The following GCFC2 variants were observed in gnomAD, a reference collection of about 807,000 sequenced individuals.
GCFC2 encodes intron Large complex component GCFC2.
A neutral mutation model predicts 99.4 loss-of-function variants in GCFC2; 102 were observed. That is an observed-to-expected ratio of 1.03 (90% CI 0.87 to 1.21). GCFC2 has a LOEUF of 1.21. Among genes scored for constraint, GCFC2 ranks in the 50% most tolerant of loss-of-function variants. GCFC2 has a pLI of 0.00. For missense variants in GCFC2, 973 were observed against 920.9 expected (o/e 1.06, Z -0.73); for synonymous variants, 338 against 316.8 (o/e 1.07, Z -0.71).
At chr2:75,671,819 C>T (rs539408319) in intron 14 of GCFC2, 131 bp downstream of exon 14, 48 of 400,118 alleles carry the variant, frequency 1.2e-4, no homozygotes, top group African/African-American at 6.8e-4. Context: ...TTGAGTAATT[C>T]GACAGAGACC....
chr2:75,673,130 G>A (rs1051790938), intron 13 of GCFC2, among the ~76,000 whole-genome samples: 1 of 151,912 alleles, frequency 6.6e-6, no homozygotes, highest in African/African-American at 2.4e-5. Context: ...CTAACATGGT[G>A]AAACCCCATC....
intron 4 of GCFC2, among the ~76,000 whole-genome samples, chr2:75,696,601 T>C (rs1196860874): frequency 1.3e-5 from 2 of 152,160 alleles, no homozygotes; most frequent in Non-Finnish European, 2.9e-5. Flanking sequence ...AGTCACCCAG[T>C]TTTTTAAGAA....
intron 4 of GCFC2, among the ~76,000 whole-genome samples, chr2:75,698,919 T>C (rs903899708): frequency 1.3e-5 from 2 of 150,766 alleles, no homozygotes; most frequent in African/African-American, 2.4e-5. Context: ...AGCTGAGGCA[T>C]GAGAATTGCT....
intron 9 of GCFC2, among the ~76,000 whole-genome samples, 196 bp from the exon 10 acceptor site, chr2:75,689,421 C>T (rs2104335466): frequency 6.6e-6 from 1 of 152,168 alleles, no homozygotes; most frequent in East Asian, 1.9e-4. Context: ...TATACCCCTG[C>T]TATACGCAGA....
intron 12 of GCFC2, among the ~76,000 whole-genome samples, chr2:75,673,925 G>A (rs146437493): frequency 1.6e-4 from 24 of 152,246 alleles, no homozygotes; most frequent in African/African-American, 5.5e-4. Context: ...AAAACCAAAC[G>A]GTTTCTAGAA....
chr2:75,712,656 G>C (rs1053224934), upstream of GCFC2, among the ~76,000 whole-genome samples: 1 of 152,046 alleles, frequency 6.6e-6, no homozygotes, highest in Non-Finnish European at 1.5e-5. Flanking sequence ...TTGGGTCCAC[G>C]TGGCTTTTAT....
At chr2:75,683,054 G>C (rs1679647693) in intron 11 of GCFC2, among the ~76,000 whole-genome samples, 1 of 151,830 alleles carries the variant, frequency 6.6e-6, no homozygotes, top group Admixed American at 6.5e-5. Flanking sequence ...CCCCAACACA[G>C]CAAGGCAGGC....
At chr2:75,705,616 CAAAAAA>C (rs34447327) in intron 2 of GCFC2, among the ~76,000 whole-genome samples, 1 of 84,340 alleles carries the variant, frequency 1.2e-5, no homozygotes, top group African/African-American at 4.9e-5. Context: ...GACTCCATCT[CAAAAAA>C]AAAAAAAAAA....
intron 3 of GCFC2, chr2:75,701,871 C>T: frequency 9.8e-7 from 1 of 1,021,220 alleles, no homozygotes; most frequent in Middle Eastern, 4.6e-4. Flanking sequence ...ATAGATGCTT[C>T]CATGTTAAAA....
chr2:75,712,920 C>A (rs1344032458), upstream of GCFC2, among the ~76,000 whole-genome samples: 6 of 152,172 alleles, frequency 3.9e-5, no homozygotes, highest in Admixed American at 2.0e-4. Context: ...ACTACTTATA[C>A]CATATAAATT....
At chr2:75,707,739 CAAT>C (rs201979689) in intron 1 of GCFC2, among the ~76,000 whole-genome samples, 6 of 101,910 alleles carry the variant, frequency 5.9e-5, no homozygotes, top group South Asian at 3.8e-4. Flanking sequence ...ACTTTCATCA[CAAT>C]AATAACATGT....
intron 2 of GCFC2, among the ~76,000 whole-genome samples, chr2:75,705,345 C>CG (rs1288817963): frequency 6.6e-6 from 1 of 151,902 alleles, no homozygotes; most frequent in Admixed American, 6.6e-5. Context: ...CACTTATGGC[C>CG]GGGCGTGGTG....
Position 75,702,252 on chromosome 2 carries a change from AT to A in GCFC2, c.565del (p.Ile189TyrfsTer5). Reference sequence around the variant, plus strand: ...TGTTTGAGGTCTTAGAGTAAATGGTATTCTCTTTTCATGGTCATCAGGCTCA... The same window carrying A: ...TGTTTGAGGTCTTAGAGTAAATGGTATCTCTTTTCATGGTCATCAGGCTCA... ...ESEPDDHEKRIPFTLRPQTLR... is the reference protein window; with the variant it reads ...ESEPDDHEKRXPFTLRPQTLR... On this transcript the variant is annotated frameshift_variant, in exon 3 of 17. Coordinates refer to ENST00000321027, the MANE Select transcript of GCFC2 (RefSeq NM_003203.5). LOFTEE classifies it high-confidence loss of function. 1 of 1,611,942 alleles carries A rather than the reference AT, an allele frequency of 6.2e-7. No homozygotes were observed. The highest frequency in any genetic ancestry group is 8.5e-7 in the Non-Finnish European group (1 of 1,177,964).
chr2:75,678,674 T>G (rs1679448283), intron 12 of GCFC2, among the ~76,000 whole-genome samples: 1 of 152,208 alleles, frequency 6.6e-6, no homozygotes, highest in Non-Finnish European at 1.5e-5. Flanking sequence ...CTATCCAAGT[T>G]CAAATCCTAG....
chr2:75,706,477 T>C (rs1558755892), intron 2 of GCFC2, 46 bp downstream of exon 2: 1 of 1,241,392 alleles, frequency 8.1e-7, no homozygotes, highest in East Asian at 2.3e-5. Context: ...TCAAAAACAC[T>C]ATATTAAAAA....
In GCFC2 at chr2:75,710,699, G is replaced by T. The variant is rs769643744; in HGVS notation, c.157C>A (p.Gln53Lys). The T allele has an allele frequency of 1.3e-6, 2 of 1,532,018 alleles. No individual in the cohort carries two copies. The highest frequency in any genetic ancestry group is 2.6e-5 in the East Asian group (1 of 39,130). 94.9% of individuals were successfully genotyped at this position (1,532,018 alleles called of 1,614,324 possible). Residue 53 changes from glutamine to lysine, a missense_variant, in exon 1 of 17, where the codon CAG (glutamine) becomes AAG (lysine). Physicochemically the swap from Gln to Lys is moderately conservative, Grantham distance 53. Coordinates refer to ENST00000321027, the MANE Select transcript of GCFC2 (RefSeq NM_003203.5). ...EEPPSGGGRA[Q>K]VAGLPHRVRG... ...ACCCGGTGGGGCAGTCCCGCCACCT[G>T]CGCGCGGCCTCCTCCAGAGGGCGGC...
At chr2:75,710,170 G>A (rs1194606601) in intron 1 of GCFC2, among the ~76,000 whole-genome samples, 4 of 152,280 alleles carry the variant, frequency 2.6e-5, no homozygotes, top group African/African-American at 9.6e-5. Context: ...TACTACTCTG[G>A]CTAAATGTTT....
In GCFC2 at chr2:75,688,109, C is replaced by G. The variant is rs1435988418; in HGVS notation, c.1540-132G>C. The G allele has an allele frequency of 5.8e-5, 35 of 600,924 alleles. 1 individual carries two copies. In the South Asian group the frequency reaches 7.5e-4, roughly 13 times the overall value. The allele number at this position is 600,924 out of a possible 1,614,324, so 37.2% of individuals were successfully genotyped here. On this transcript the variant is annotated intron_variant, in intron 10 of 16. Coordinates refer to ENST00000321027, the MANE Select transcript of GCFC2 (RefSeq NM_003203.5). ...AAGAGATTAATTCCCTATTTTAACA[C>G]TAGACCACCAAGGCTAGGCAGGATT...
chr2:75,664,761 G>T lies in GCFC2; in HGVS notation c.2251C>A (p.Leu751Ile), dbSNP rs1450657323. The change falls in exon 17 of 17, where the codon CTT (leucine) becomes ATT (isoleucine). Residue 751 changes from leucine to isoleucine, a missense_variant. Leu to Ile is a conservative substitution (Grantham distance 5, BLOSUM62 2). Transcript: ENST00000321027. ...AAAGCTTTTATTTTCACCAAAATAA[G>T]AATTATTTCTTCGACTTCATCCCTG... ...EFRDEVEEII[L>I]ILVKIKALNQ... 1 of 1,545,374 alleles carries T rather than the reference G, an allele frequency of 6.5e-7. No individual in the cohort carries two copies. The highest frequency in any genetic ancestry group is 2.3e-5 in the East Asian group (1 of 44,434).
Sources: gnomAD v4.1 joint callset for allele counts (sites outside exome capture counted in the v4.1 genomes callset) on GRCh38, gnomAD v4.1.1 for gene constraint, MANE v1.5 for transcripts, NCBI Gene and HGNC (gene_info 2026-07-23, HGNC 2026-07-21) for gene names.